Variants in POLR1A observed in about 807,000 individuals in gnomAD.
The protein encoded by POLR1A is DNA-directed RNA polymerase I subunit RPA1.
Under a neutral mutation model 205.3 loss-of-function variants are expected in POLR1A, and 84 were observed. That is an observed-to-expected ratio of 0.41 (90% CI 0.34 to 0.49). The LOEUF is 0.49. POLR1A is among the 20% of genes least tolerant of loss of function. The probability of loss-of-function intolerance (pLI) is 0.22; values close to 1 mark genes in which losing one functional copy is unlikely to be tolerated. For missense variants in POLR1A, 1,645 were observed against 2,204.5 expected (o/e 0.75, Z 5.08); for synonymous variants, 799 against 863.7 (o/e 0.93, Z 1.31).
intron 10 of POLR1A, 44 bp from the exon 11 acceptor site, chr2:86,078,025 C>A: frequency 6.2e-7 from 1 of 1,613,366 alleles, no homozygotes; most frequent in Non-Finnish European, 8.5e-7. Context: ...AACAAGAATT[C>A]CAGTAGGCTT....
chr2:86,050,343 A>G (rs1052234433), intron 16 of POLR1A, among the ~76,000 whole-genome samples: 1 of 152,220 alleles, frequency 6.6e-6, no homozygotes, highest in Admixed American at 6.5e-5. Context: ...GGAATTCCCA[A>G]CGCAAGGTCC....
rs564064619 is a variant in POLR1A, at chr2:86,064,756, C to CTT, written c.2058+516_2058+517dup. Among the ~76,000 whole-genome samples, 297 of 146,006 alleles carry CTT rather than the reference C, an allele frequency of 2.0e-3. 4 individuals carry two copies. The highest frequency in any genetic ancestry group is 6.5e-3 in the African/African-American group (260 of 40,016). On this transcript the variant is annotated intron_variant, in intron 14 of 33. Coordinates refer to ENST00000263857, the MANE Select transcript of POLR1A (RefSeq NM_015425.6). ...CAAAGGACAGAAACTATGCAGTCTA[C>CTT]TTTTTTTTTTTTTGTGGAGACGGAG...
chr2:86,070,748 C>A lies in POLR1A; in HGVS notation c.1612-476G>T, dbSNP rs1256047857. On this transcript the variant is annotated intron_variant, in intron 12 of 33. Coordinates refer to ENST00000263857, the MANE Select transcript of POLR1A (RefSeq NM_015425.6). The surrounding 1 kb of genome is among the most constrained non-coding windows in gnomAD (Gnocchi z 4.4). ...TACATTATTCTAAACAGAAATTCTA[C>A]ATTTCACAAAAAGTTTGCCCAGCTT... 2.7e-5 allele frequency among the ~76,000 whole-genome samples: 4 copies of A among 146,870 alleles called. No homozygotes were observed. Among genetic ancestry groups the A allele is most frequent in the Admixed American group, 2.7e-4 (4 of 14,732 alleles).
Position 86,089,842 on chromosome 2 carries a change from G to A in POLR1A, c.520C>T (p.Leu174=). 2 of 1,608,872 alleles carry A rather than the reference G, an allele frequency of 1.2e-6. No homozygotes were observed. Among genetic ancestry groups the A allele is most frequent in the Non-Finnish European group, 1.7e-6 (2 of 1,175,134 alleles). The change falls in exon 4 of 34, where the codon CTG becomes TTG. Residue 174 remains leucine (L), a synonymous_variant. Coordinates refer to ENST00000263857, the MANE Select transcript of POLR1A (RefSeq NM_015425.6). ...YTTEIVQNNL[L]GSQGAHVKNV... is the part of the protein sequence containing the mutation. Reference sequence around the variant, plus strand: ...CTCACATGTGCGCCCTGGGACCCCAGGAGGTTGTTCTGCACAATTTCAGTT... The same window carrying A: ...CTCACATGTGCGCCCTGGGACCCCAAGAGGTTGTTCTGCACAATTTCAGTT...
intron 1 of POLR1A, among the ~76,000 whole-genome samples, chr2:86,105,264 C>G (rs1231458329): frequency 2.0e-5 from 3 of 152,182 alleles, no homozygotes; most frequent in Non-Finnish European, 2.9e-5. Context: ...GATTTAACAA[C>G]CAGACCGAGA....
intron 19 of POLR1A, 46 bp downstream of exon 19, chr2:86,047,119 G>A (rs767223685): frequency 6.9e-6 from 9 of 1,305,174 alleles, no homozygotes; most frequent in Non-Finnish European, 1.0e-5. Flanking sequence ...TCCCCCACCT[G>A]CCTTTGCTGA....
In POLR1A at chr2:86,042,018, G is replaced by T. The variant is rs1220044005; in HGVS notation, c.3443C>A (p.Ser1148Tyr). The change falls in exon 24 of 34, where the codon TCT becomes TAT. Residue 1148 changes from serine to tyrosine, a missense_variant. Around this residue, in one of 16 missense-constraint regions of POLR1A, gnomAD observed 201 missense variants for 222.3 expected, o/e 0.90. Transcript: ENST00000263857. Reference sequence around the variant, plus strand: ...AAAGTAGATGTCAGGACGCCAGACAGACAGACTGGGGTCAGGACAAGCGGC... The same window carrying T: ...AAAGTAGATGTCAGGACGCCAGACATACAGACTGGGGTCAGGACAAGCGGC... ...KAAACPDPSL[S>Y]VWRPDIYFAS... 6.2e-7 allele frequency: 1 copy of T among 1,614,078 alleles called. No homozygotes were observed.
chr2:86,072,365 G>C (rs1292477537), intron 12 of POLR1A, among the ~76,000 whole-genome samples: 2 of 152,228 alleles, frequency 1.3e-5, no homozygotes, highest in Non-Finnish European at 2.9e-5. Flanking sequence ...CCTCTCAAGG[G>C]AGAAACTGCC....
At position 86,071,227 on chromosome 2, in the gene POLR1A, C is replaced by CGTGT. The variant is rs1558777042; in HGVS notation, c.1612-956_1612-955insACAC. 3.2e-3 allele frequency among the ~76,000 whole-genome samples: 466 copies of CGTGT among 147,354 alleles called. 5 individuals carry two copies. The highest frequency in any genetic ancestry group is 0.011 in the African/African-American group (421 of 38,824). On this transcript the variant is annotated intron_variant, in intron 12 of 33. Coordinates refer to ENST00000263857, the MANE Select transcript of POLR1A (RefSeq NM_015425.6). Reference sequence around the variant, plus strand: ...CCCAGCTTCTCTCTCTCTCCGTGTGCATGTGTGTGTGTGTGTGTGTGTGTG... The same window carrying CGTGT: ...CCCAGCTTCTCTCTCTCTCCGTGTGCGTGTATGTGTGTGTGTGTGTGTGTGTGTG...
chr2:86,089,540 G>T (rs1673564123), intron 4 of POLR1A, among the ~76,000 whole-genome samples: 1 of 152,240 alleles, frequency 6.6e-6, no homozygotes, highest in South Asian at 2.1e-4. Context: ...AGGAAAAAAA[G>T]ACCTGCTGCC....
chr2:86,097,214 C>CAAAAAAAAAAA (rs757210116), intron 3 of POLR1A, among the ~76,000 whole-genome samples: 2,820 of 39,712 alleles, frequency 0.071, 930 homozygotes, highest in Middle Eastern at 0.22. Flanking sequence ...CCCCAAAAGA[C>CAAAAAAAAAAA]AAAAAAAAAA....
intron 3 of POLR1A, among the ~76,000 whole-genome samples, chr2:86,096,515 A>G (rs1193045936): frequency 6.6e-6 from 1 of 152,174 alleles, no homozygotes; most frequent in African/African-American, 2.4e-5. Flanking sequence ...TCACACTACC[A>G]GAATTCAAAA....
Position 86,043,082 on chromosome 2 carries a change from C to A in POLR1A, c.3249G>T (p.Leu1083=). Residue 1083 remains leucine, a synonymous_variant, in exon 23 of 34, where the codon CTG becomes CTT. Coordinates refer to ENST00000263857, the MANE Select transcript of POLR1A (RefSeq NM_015425.6). ...KKWQSKHPNT[L]LRRGAFLSYS... is the part of the protein sequence containing the mutation. The stretch of plus-strand genomic sequence containing the variant: ...AACTCAAGAAGGCGCCTCTTCTCAG[C>A]AGGGTGTTGGGGTGCTTGCTTTGCC... The A allele has an allele frequency of 1.2e-6, 2 of 1,614,124 alleles. No homozygotes were observed. Among genetic ancestry groups the A allele is most frequent in the Non-Finnish European group, 1.7e-6 (2 of 1,179,974 alleles).
At chr2:86,064,177 A>G (rs1329026752) in intron 14 of POLR1A, among the ~76,000 whole-genome samples, 2 of 151,992 alleles carry the variant, frequency 1.3e-5, no homozygotes, top group Non-Finnish European at 2.9e-5. Flanking sequence ...TTTTTTGCCA[A>G]CAGGTGAAAA....
At chr2:86,027,612 C>G in intron 33 of POLR1A, 89 bp from the exon 34 acceptor site, 1 of 1,198,490 alleles carries the variant, frequency 8.3e-7, no homozygotes, top group East Asian at 2.4e-5. Flanking sequence ...ACTGAAGTCT[C>G]GGGACTCAGG....
chr2:86,052,844 G>T lies in POLR1A; in HGVS notation c.2365C>A (p.Leu789Met), dbSNP rs1226282167. ...TCLARLFTAY[L>M]QLYRGFTLGV... The stretch of plus-strand genomic sequence containing the variant: ...AAGGTGAAGCCTCTGTAGAGCTGCA[G>T]GTAGGCGGTGAAGAGGCGGGCCAGG... The change falls in exon 16 of 34, where the codon CTG (leucine) becomes ATG (methionine). Residue 789 changes from leucine (L) to methionine (M), a missense_variant. Transcript: ENST00000263857. The T allele has an allele frequency of 6.3e-7, 1 of 1,585,836 alleles. No individual in the cohort carries two copies. The highest frequency in any genetic ancestry group is 1.1e-5 in the South Asian group (1 of 87,908).
intron 1 of POLR1A, among the ~76,000 whole-genome samples, chr2:86,104,551 G>T (rs944834246): frequency 6.6e-6 from 1 of 150,558 alleles, no homozygotes; most frequent in Admixed American, 6.7e-5. Flanking sequence ...GGGTTCAAGC[G>T]ATTCTCCTGC....
chr2:86,071,288 C>T (rs1185247052), intron 12 of POLR1A, among the ~76,000 whole-genome samples: 1 of 151,232 alleles, frequency 6.6e-6, no homozygotes, highest in Non-Finnish European at 1.5e-5. Context: ...GTTGGATCCT[C>T]ACTAGGCTGT....
chr2:86,054,335 G>A (rs753764989), intron 14 of POLR1A, 46 bp from the exon 15 acceptor site: 1 of 1,596,282 alleles, frequency 6.3e-7, no homozygotes, highest in Non-Finnish European at 8.6e-7. Flanking sequence ...GAAAAGTGAT[G>A]GCAAAATGAG....
Sources: allele counts gnomAD v4.1 joint callset (sites outside exome capture counted in the v4.1 genomes callset), GRCh38; gene constraint gnomAD v4.1.1; regional missense constraint gnomAD v4.1.1; non-coding constraint Gnocchi (gnomAD v3.1); transcripts MANE v1.5; gene names NCBI Gene and HGNC (gene_info 2026-07-23, HGNC 2026-07-21).